GOLGA4: variants seen among roughly 807,000 people sequenced by gnomAD.
GOLGA4 encodes the protein golgin subfamily A member 4.
Under a neutral mutation model 265.9 loss-of-function variants are expected in GOLGA4, and 169 were observed. The observed-to-expected ratio is 0.64, with a 90% CI of 0.56 to 0.72. GOLGA4 has a LOEUF of 0.72. GOLGA4 is among the 30% of genes least tolerant of loss of function. The pLI is 0.00. For synonymous variants in GOLGA4, 923 were observed against 855.8 expected (o/e 1.08, Z -1.37); for missense variants, 2,482 against 2,483.4 (o/e 1.00, Z 0.01).
At chr3:37,331,530 C>T (rs1415104638) in intron 16 of GOLGA4, among the ~76,000 whole-genome samples, 2 of 152,170 alleles carry the variant, frequency 1.3e-5, no homozygotes, top group African/African-American at 2.4e-5. Context: ...CTATGATTCT[C>T]CCATTTAAAA....
intron 7 of GOLGA4, among the ~76,000 whole-genome samples, chr3:37,298,547 C>T (rs1176282677): frequency 1.3e-5 from 2 of 152,176 alleles, no homozygotes; most frequent in African/African-American, 2.4e-5. Flanking sequence ...AATTTCTAAT[C>T]TTTTGGCTAA....
At chr3:37,361,958 C>T (rs1044486711) in intron 23 of GOLGA4, among the ~76,000 whole-genome samples, 1 of 152,034 alleles carries the variant, frequency 6.6e-6, no homozygotes, top group Non-Finnish European at 1.5e-5. Context: ...TCATTTAAAC[C>T]CTCTCCCCTC....
chr3:37,363,330 G>A (rs1696482232), intron 23 of GOLGA4, among the ~76,000 whole-genome samples: 1 of 152,124 alleles, frequency 6.6e-6, no homozygotes, highest in Admixed American at 6.5e-5. Flanking sequence ...AAATAATACT[G>A]CATTGTACTT....
intron 1 of GOLGA4, among the ~76,000 whole-genome samples, chr3:37,246,400 A>C (rs7616457): frequency 0.038 from 5,851 of 152,338 alleles, 145 homozygotes; most frequent in African/African-American, 0.056. Context: ...AACATCAAGA[A>C]GTAATACAGA....
intron 19 of GOLGA4, among the ~76,000 whole-genome samples, chr3:37,337,973 A>G (rs2097020087): frequency 6.6e-6 from 1 of 152,170 alleles, no homozygotes; most frequent in African/African-American, 2.4e-5. Flanking sequence ...ACAATTTGTG[A>G]TCGTATAATG....
chr3:37,305,157 A>C (rs947430097), intron 10 of GOLGA4, among the ~76,000 whole-genome samples: 1 of 152,034 alleles, frequency 6.6e-6, no homozygotes, highest in African/African-American at 2.4e-5. Context: ...AACCTCAGGT[A>C]ATCCACCCTC....
chr3:37,337,099 G>C (rs1340905944), intron 17 of GOLGA4, 44 bp from the exon 18 acceptor site: 1 of 1,183,118 alleles, frequency 8.5e-7, no homozygotes, highest in Admixed American at 1.9e-5. Context: ...GTTTCTTATA[G>C]CTATTATTGT....
intron 2 of GOLGA4, among the ~76,000 whole-genome samples, chr3:37,275,528 ATAT>A (rs1382396717): frequency 6.6e-6 from 1 of 151,870 alleles, no homozygotes; most frequent in Non-Finnish European, 1.5e-5. Flanking sequence ...TCTTTAAAGA[ATAT>A]CATTGGCCGC....
chr3:37,324,145 A>C lies in GOLGA4; in HGVS notation c.2259A>C (p.Ala753=), dbSNP rs2096963024. 6.2e-7 allele frequency: 1 copy of C among 1,613,982 alleles called. No homozygotes were observed. The highest frequency in any genetic ancestry group is 8.5e-7 in the Non-Finnish European group (1 of 1,179,960). Residue 753 remains alanine, a synonymous_variant, in exon 14 of 24, where the codon GCA becomes GCC. Coordinates refer to ENST00000361924, the MANE Select transcript of GOLGA4 (RefSeq NM_002078.5). ...HEVSIQRTEK[A]LKDQINQLEL... ...TATCTATCCAGAGGACTGAGAAGGC[A>C]TTAAAAGATCAAATTAATCAACTTG...
At chr3:37,267,795 TA>T (rs2096787621) in intron 2 of GOLGA4, among the ~76,000 whole-genome samples, 1 of 152,222 alleles carries the variant, frequency 6.6e-6, no homozygotes, top group Non-Finnish European at 1.5e-5. Context: ...TTTAACTTAT[TA>T]GGTAGCTGGT....
At chr3:37,246,272 A>T (rs1238554499) in intron 1 of GOLGA4, among the ~76,000 whole-genome samples, 1 of 150,802 alleles carries the variant, frequency 6.6e-6, no homozygotes, top group East Asian at 2.0e-4. Flanking sequence ...GTGCCACTGC[A>T]CTCCAGCCTG....
intron 1 of GOLGA4, among the ~76,000 whole-genome samples, chr3:37,248,812 A>G (rs537474068): frequency 2.0e-5 from 3 of 152,122 alleles, no homozygotes; most frequent in Middle Eastern, 3.2e-3. Context: ...CGTAATGCCA[A>G]TTTTTCAGAT....
At chr3:37,270,202 CTTT>C (rs144373648) in intron 2 of GOLGA4, among the ~76,000 whole-genome samples, 3 of 99,882 alleles carry the variant, frequency 3.0e-5, no homozygotes, top group East Asian at 2.8e-4. Context: ...CCAGTTGTAG[CTTT>C]TTTTTTTTTT....
intron 4 of GOLGA4, chr3:37,287,683 A>G (rs946171634): frequency 6.6e-6 from 1 of 152,250 alleles, no homozygotes; most frequent in Admixed American, 6.5e-5. Flanking sequence ...CTACTGCACT[A>G]CAGTTTTTCA....
At position 37,324,028 on chromosome 3, in the gene GOLGA4, A is replaced by C. The variant is rs1299324744; in HGVS notation, c.2142A>C (p.Thr714=). 6.2e-7 allele frequency: 1 copy of C among 1,614,000 alleles called. No individual in the cohort carries two copies. Among genetic ancestry groups the C allele is most frequent in the South Asian group, 1.1e-5 (1 of 91,078 alleles). ...AACTTTCTGTTCTGAAAGATCAAACAGATAAAATGAAGCAGGAATTAGAGG... is the reference window on the plus strand; with the variant it reads ...AACTTTCTGTTCTGAAAGATCAAACCGATAAAATGAAGCAGGAATTAGAGG... ...EEELSVLKDQ[T]DKMKQELEAK... Residue 714 remains threonine, a synonymous_variant, in exon 14 of 24, where the codon ACA becomes ACC. Coordinates refer to ENST00000361924, the MANE Select transcript of GOLGA4 (RefSeq NM_002078.5).
intron 19 of GOLGA4, among the ~76,000 whole-genome samples, chr3:37,339,730 A>G (rs922577999): frequency 1.4e-4 from 21 of 152,078 alleles, no homozygotes; most frequent in Middle Eastern, 6.8e-3. Flanking sequence ...TTTTAGTTGG[A>G]TTGTCTTGTT....
At position 37,315,490 on chromosome 3, in the gene GOLGA4, A is replaced by G; in HGVS notation, c.1305A>G (p.Ala435=). ...KTEEARRKLK[A]EMDEQIKTIE... ...AGGAAGCACGGAGAAAACTGAAGGCAGAAATGGATGAACAAATAAAAACTA... is the reference window on the plus strand; with the variant it reads ...AGGAAGCACGGAGAAAACTGAAGGCGGAAATGGATGAACAAATAAAAACTA... Residue 435 remains alanine (A), a synonymous_variant, in exon 11 of 24, where the codon GCA becomes GCG. Transcript: ENST00000361924. The G allele has an allele frequency of 1.2e-6, 2 of 1,614,038 alleles. No homozygotes were observed.
rs73825089 is a variant in GOLGA4 at position 37,353,352 on chromosome 3, A to G, written c.6577-1749A>G. On this transcript the variant is annotated intron_variant, in intron 21 of 23. Transcript: ENST00000361924. ...AATCTGCAAAATAAAAACAAAGCCAAAAACCAAGAAACAGTTTCTGTGAAG... is the reference window on the plus strand; with the variant it reads ...AATCTGCAAAATAAAAACAAAGCCAGAAACCAAGAAACAGTTTCTGTGAAG... Among the ~76,000 whole-genome samples, 1,085 of 152,224 alleles carry G rather than the reference A, an allele frequency of 7.1e-3. 15 individuals are homozygous for G. Among genetic ancestry groups the G allele is most frequent in the African/African-American group, 0.025 (1,019 of 41,544 alleles).
intron 2 of GOLGA4, chr3:37,275,873 G>A: frequency 6.2e-7 from 1 of 1,613,772 alleles, no homozygotes; most frequent in Non-Finnish European, 8.5e-7. Flanking sequence ...TACAGATGAG[G>A]AAGTTACATC....
Sources: gnomAD v4.1 joint callset for allele counts (sites outside exome capture counted in the v4.1 genomes callset) on GRCh38, gnomAD v4.1.1 for gene constraint, MANE v1.5 for transcripts, NCBI Gene and HGNC (gene_info 2026-07-23, HGNC 2026-07-21) for gene names.